Variants in DNMBP observed in about 807,000 individuals in gnomAD.
DNMBP encodes dynamin-binding protein.
DNMBP carries 87 observed loss-of-function variants against 150.0 expected under a neutral mutation model. The ratio of observed to expected loss-of-function variants is 0.58; its 90% CI spans 0.49 to 0.69. The LOEUF is 0.69. Among genes scored for constraint, DNMBP ranks in the 30% least tolerant of loss-of-function variants. The probability of loss-of-function intolerance (pLI) is 0.00; values close to 1 mark genes in which losing one functional copy is unlikely to be tolerated. For synonymous variants in DNMBP, 711 were observed against 750.4 expected (o/e 0.95, Z 0.86); for missense variants, 1,774 against 1,949.0 (o/e 0.91, Z 1.69).
chr10:99,911,394 A>G (rs2039897432), intron 4 of DNMBP, among the ~76,000 whole-genome samples: 1 of 151,972 alleles, frequency 6.6e-6, no homozygotes, highest in East Asian at 1.9e-4. Flanking sequence ...CTGTAATTCC[A>G]GCTATTCAGG....
chr10:99,928,348 G>C (rs369179832), intron 4 of DNMBP: 50 of 152,172 alleles, frequency 3.3e-4, no homozygotes, highest in African/African-American at 1.0e-3. Flanking sequence ...ACCTAGACGA[G>C]AAACTTTCTA....
intron 6 of DNMBP, among the ~76,000 whole-genome samples, chr10:99,902,402 T>G (rs1297590334): frequency 2.9e-5 from 4 of 140,142 alleles, no homozygotes; most frequent in Non-Finnish European, 6.1e-5. Flanking sequence ...CTCTGCCTCC[T>G]GAGTTCAAGT....
intron 4 of DNMBP, among the ~76,000 whole-genome samples, chr10:99,950,332 T>A (rs1041158496): frequency 6.6e-6 from 1 of 152,178 alleles, no homozygotes; most frequent in African/African-American, 2.4e-5. Context: ...TATGTCTTTA[T>A]CAGCAGTGTG....
chr10:99,999,420 G>A (rs1314523949), intron 1 of DNMBP, among the ~76,000 whole-genome samples: 3 of 152,176 alleles, frequency 2.0e-5, no homozygotes, highest in African/African-American at 7.2e-5. Context: ...AAATGACAAT[G>A]CATGTAGTAT....
rs138602159 is a variant in DNMBP, at chr10:99,937,950, T to C, written c.2260+17264A>G. The stretch of plus-strand genomic sequence containing the variant: ...AAATGAGGAAATGACACCTGCCTTC[T>C]AGAAGTTCAATTTCTGCTAATAACC... On this transcript the variant is annotated intron_variant, in intron 4 of 16. Transcript: ENST00000324109. Among the ~76,000 whole-genome samples the C allele has an allele frequency of 8.4e-3, 1,285 of 152,358 alleles. 18 individuals are homozygous for C. Among genetic ancestry groups the C allele is most frequent in the Middle Eastern group, 0.044 (13 of 294 alleles).
chr10:99,915,180 TCTACACAC>T (rs1351576356), intron 4 of DNMBP, among the ~76,000 whole-genome samples: 12 of 136,472 alleles, frequency 8.8e-5, no homozygotes, highest in South Asian at 2.3e-4. Context: ...CATATATACA[TCTACACAC>T]ATATACACAC....
At chr10:99,898,023 G>A (rs745701197) in intron 9 of DNMBP, 63 bp downstream of exon 9, 19 of 1,436,734 alleles carry the variant, frequency 1.3e-5, no homozygotes, top group East Asian at 4.5e-5. Flanking sequence ...GTAATGAATT[G>A]TTTTGAGAAG....
intron 4 of DNMBP, chr10:99,914,062 G>A: frequency 6.9e-7 from 1 of 1,451,948 alleles, no homozygotes; most frequent in East Asian, 2.7e-5. Flanking sequence ...AAACTCCTTT[G>A]AATAGGGTCG....
At chr10:99,989,686 G>A (rs529636737) in intron 1 of DNMBP, among the ~76,000 whole-genome samples, 53 of 152,240 alleles carry the variant, frequency 3.5e-4, no homozygotes, top group Non-Finnish European at 5.9e-4. Context: ...ACTCCAGCCT[G>A]GGCAACAAGA....
intron 4 of DNMBP, among the ~76,000 whole-genome samples, chr10:99,932,001 G>C (rs1017751615): frequency 2.0e-5 from 3 of 152,188 alleles, no homozygotes; most frequent in Non-Finnish European, 4.4e-5. Flanking sequence ...AAATAAGAGA[G>C]GAGGCTGAAG....
intron 4 of DNMBP, among the ~76,000 whole-genome samples, chr10:99,919,798 A>G (rs2040003204): frequency 6.6e-6 from 1 of 152,238 alleles, no homozygotes; most frequent in Non-Finnish European, 1.5e-5. Flanking sequence ...GAGCTGGGGC[A>G]AGGATATGGA....
intron 7 of DNMBP, among the ~76,000 whole-genome samples, chr10:99,899,018 C>A (rs1381992489): frequency 6.6e-6 from 1 of 151,548 alleles, no homozygotes; most frequent in Admixed American, 6.6e-5. Context: ...CCTGGTGAAA[C>A]CCCGTCTATA....
chr10:99,902,170 CGT>C (rs373122579), intron 6 of DNMBP, among the ~76,000 whole-genome samples: 68 of 151,984 alleles, frequency 4.5e-4, no homozygotes, highest in African/African-American at 1.6e-3. Context: ...GGATAACGGG[CGT>C]GAGTCACCAT....
At position 99,955,291 on chromosome 10, in the gene DNMBP, C is replaced by T; in HGVS notation, c.2183G>A (p.Arg728Lys). ...MLEEKQDESS[R>K]AETLEDLKFC... ...CTTGAGATCCTCGAGGGTCTCTGCT[C>T]TTGATGATTCATCCTGCTTCTCCTC... Residue 728 changes from arginine to lysine, a missense_variant, in exon 4 of 17, where the codon AGA becomes AAA. Physicochemically the swap from Arg to Lys is conservative, Grantham distance 26. Transcript: ENST00000324109. The T allele has an allele frequency of 1.2e-6, 2 of 1,614,086 alleles. No homozygotes were observed. The highest frequency in any genetic ancestry group is 1.7e-6 in the Non-Finnish European group (2 of 1,180,018).
At chr10:99,950,087 T>G (rs1224511039) in intron 4 of DNMBP, among the ~76,000 whole-genome samples, 1 of 152,134 alleles carries the variant, frequency 6.6e-6, no homozygotes, top group Non-Finnish European at 1.5e-5. Flanking sequence ...AGGAGGTAAT[T>G]GAATCATGGG....
intron 4 of DNMBP, among the ~76,000 whole-genome samples, chr10:99,938,621 C>T (rs1315833130): frequency 6.6e-6 from 1 of 152,190 alleles, no homozygotes; most frequent in Non-Finnish European, 1.5e-5. Flanking sequence ...TTCCCCCACC[C>T]TTTCTAAGTC....
Position 99,883,176 on chromosome 10 carries a change from T to C in DNMBP, c.3997+835A>G, listed in dbSNP as rs148096918. ...AAGTGTTTTTAGAGCTTTTTGGATT[T>C]TGGAAAAAGGGATTACAGATCAGTA... On this transcript the variant is annotated intron_variant, in intron 15 of 16. Coordinates refer to ENST00000324109, the MANE Select transcript of DNMBP (RefSeq NM_015221.4). 3.3e-5 allele frequency among the ~76,000 whole-genome samples: 5 copies of C among 152,364 alleles called. No individual in the cohort carries two copies. The East Asian group carries it at 9.6e-4, about 29-fold the overall frequency.
At chr10:99,909,939 GAGAGT>G (rs2039880203) in intron 4 of DNMBP, among the ~76,000 whole-genome samples, 1 of 152,050 alleles carries the variant, frequency 6.6e-6, no homozygotes, top group Non-Finnish European at 1.5e-5. Context: ...CACAGGATGA[GAGAGT>G]TATCTATAAA....
intron 6 of DNMBP, among the ~76,000 whole-genome samples, chr10:99,903,896 G>A (rs1366028495): frequency 6.6e-6 from 1 of 151,752 alleles, no homozygotes; most frequent in Non-Finnish European, 1.5e-5. Context: ...GTCACAGTCA[G>A]CACTGTTTTG....
Sources: gnomAD v4.1 joint callset for allele counts (sites outside exome capture counted in the v4.1 genomes callset) on GRCh38, gnomAD v4.1.1 for gene constraint, MANE v1.5 for transcripts, NCBI Gene and HGNC (gene_info 2026-07-23, HGNC 2026-07-21) for gene names.